Variants in CDH13 observed in about 807,000 individuals in gnomAD.
CDH13 encodes the protein cadherin-13.
CDH13 carries 24 observed loss-of-function variants against 63.8 expected under a neutral mutation model. The observed-to-expected ratio is 0.38, with a 90% confidence interval of 0.27 to 0.53. The LOEUF (loss-of-function observed/expected upper bound fraction) is 0.53, where lower values mean the gene tolerates loss of function less well. Among genes scored for constraint, CDH13 ranks in the 20% least tolerant of loss-of-function variants. CDH13 has a pLI of 0.85. For missense variants in CDH13, 1,049 were observed against 903.1 expected (o/e 1.16, Z -2.07); for synonymous variants, 503 against 355.3 (o/e 1.42, Z -4.67).
At chr16:82,753,331 T>A (rs1452587438) in intron 1 of CDH13, among the ~76,000 whole-genome samples, 1 of 152,218 alleles carries the variant, frequency 6.6e-6, no homozygotes, top group Non-Finnish European at 1.5e-5. Flanking sequence ...ATATCTGTCC[T>A]TGGCTTCATT....
chr16:83,322,746 C>G (rs184571342), intron 5 of CDH13, among the ~76,000 whole-genome samples: 1 of 151,988 alleles, frequency 6.6e-6, no homozygotes, highest in Non-Finnish European at 1.5e-5. Context: ...AAGATTCATC[C>G]GGTCTATGAC....
At chr16:82,846,206 T>G (rs990740505) in intron 1 of CDH13, among the ~76,000 whole-genome samples, 1 of 152,228 alleles carries the variant, frequency 6.6e-6, no homozygotes, top group Non-Finnish European at 1.5e-5. Flanking sequence ...GTGAAAAGTT[T>G]CAATCATCTT....
chr16:83,011,325 A>G (rs1914130736), intron 2 of CDH13, among the ~76,000 whole-genome samples: 1 of 152,166 alleles, frequency 6.6e-6, no homozygotes, highest in Non-Finnish European at 1.5e-5. Flanking sequence ...AAGTCTTAGC[A>G]CACTGTTCAG....
At chr16:83,054,404 T>G (rs1206418460) in intron 3 of CDH13, among the ~76,000 whole-genome samples, 2 of 152,220 alleles carry the variant, frequency 1.3e-5, no homozygotes, top group Non-Finnish European at 2.9e-5. Context: ...TAAAGCTTAC[T>G]TGCATACAAG....
chr16:83,359,360 A>C (rs1295213115), intron 6 of CDH13, among the ~76,000 whole-genome samples: 1 of 152,200 alleles, frequency 6.6e-6, no homozygotes, highest in African/African-American at 2.4e-5. Context: ...AGTAGATATC[A>C]GGCTTTGAGC....
chr16:82,977,708 C>A (rs757704939), intron 2 of CDH13, among the ~76,000 whole-genome samples: 3 of 152,124 alleles, frequency 2.0e-5, no homozygotes, highest in Admixed American at 2.0e-4. Context: ...ACTAATACAG[C>A]AAATTGGTTC....
At position 83,101,865 on chromosome 16, in the gene CDH13, G is replaced by C. The variant is rs546103898; in HGVS notation, c.367-23520G>C. Among the ~76,000 whole-genome samples, 22 of 152,242 alleles carry C rather than the reference G, an allele frequency of 1.4e-4. No homozygotes were observed. The South Asian group carries it at 4.6e-3, about 32-fold the overall frequency. On this transcript the variant is annotated intron_variant, in intron 3 of 13. Transcript: ENST00000567109. Reference sequence around the variant, plus strand: ...AGGTGACTTGTGAGGAAAGGTCTGAGGAAAGTGAAAGAACTGCTGTGGAAG... The same window carrying C: ...AGGTGACTTGTGAGGAAAGGTCTGACGAAAGTGAAAGAACTGCTGTGGAAG...
At chr16:82,632,184 C>G (rs912408303) in intron 1 of CDH13, among the ~76,000 whole-genome samples, 1 of 152,180 alleles carries the variant, frequency 6.6e-6, no homozygotes, top group African/African-American at 2.4e-5. Context: ...CGTCACCACT[C>G]TCTACTACCC....
intron 7 of CDH13, among the ~76,000 whole-genome samples, chr16:83,509,484 A>T (rs1415088066): frequency 6.6e-6 from 1 of 152,206 alleles, no homozygotes; most frequent in East Asian, 1.9e-4. Flanking sequence ...ATACCACATA[A>T]ATGAATGAGC....
At chr16:83,344,509 A>G (rs1161944543) in intron 5 of CDH13, among the ~76,000 whole-genome samples, 1 of 152,244 alleles carries the variant, frequency 6.6e-6, no homozygotes, top group Non-Finnish European at 1.5e-5. Flanking sequence ...TATTAGCATA[A>G]CATTCCTTTT....
At chr16:82,718,965 T>G (rs944770610) in intron 1 of CDH13, among the ~76,000 whole-genome samples, 10 of 152,204 alleles carry the variant, frequency 6.6e-5, no homozygotes, top group African/African-American at 2.4e-4. Context: ...GTTGGATGCA[T>G]GTGGTCCGTA....
chr16:83,457,747 G>T (rs571421745), intron 6 of CDH13, among the ~76,000 whole-genome samples: 10 of 152,210 alleles, frequency 6.6e-5, no homozygotes, highest in African/African-American at 2.4e-4. Flanking sequence ...GCCAGGCCGA[G>T]CCAAGCCAAT....
chr16:83,424,701 GCT>G (rs1167585408), intron 6 of CDH13, among the ~76,000 whole-genome samples: 3 of 152,258 alleles, frequency 2.0e-5, no homozygotes, highest in South Asian at 2.1e-4. Flanking sequence ...CTAGACAAAT[GCT>G]CTTGGAACAT....
chr16:82,886,145 C>T (rs941820761), intron 2 of CDH13, among the ~76,000 whole-genome samples: 1 of 152,122 alleles, frequency 6.6e-6, no homozygotes, highest in Admixed American at 6.5e-5. Flanking sequence ...GAAAAATATT[C>T]TGTAGTACAA....
intron 8 of CDH13, among the ~76,000 whole-genome samples, chr16:83,645,269 A>C (rs1009877755): frequency 6.6e-6 from 1 of 152,206 alleles, no homozygotes; most frequent in Admixed American, 6.5e-5. Flanking sequence ...GCTGGAGGCT[A>C]TTATCCTATG....
chr16:83,620,644 C>G (rs1040118772), intron 8 of CDH13, among the ~76,000 whole-genome samples: 1 of 152,148 alleles, frequency 6.6e-6, no homozygotes, highest in Non-Finnish European at 1.5e-5. Context: ...CACATGCTCT[C>G]TCTCACCTAA....
chr16:83,657,462 C>T (rs1198797884), intron 8 of CDH13, among the ~76,000 whole-genome samples: 2 of 152,156 alleles, frequency 1.3e-5, no homozygotes, highest in Non-Finnish European at 2.9e-5. Context: ...CTCTTTGACC[C>T]CCAGAGCAGC....
chr16:83,217,698 C>T (rs138893449), intron 5 of CDH13, among the ~76,000 whole-genome samples: 31 of 152,218 alleles, frequency 2.0e-4, no homozygotes, highest in East Asian at 1.7e-3. Flanking sequence ...TCAGTAGAGC[C>T]CTCCAGGCCT....
Position 83,169,185 on chromosome 16 carries a change from C to CT in CDH13, c.483+43694dup, listed in dbSNP as rs148647688. On this transcript the variant is annotated intron_variant, in intron 4 of 13. Transcript: ENST00000567109. ...TGCCGGCATTCAGTGCTTAGGTTTC[C>CT]TTTTTTTTTTGAGACGGCATCTCAC... Among the ~76,000 whole-genome samples the CT allele has an allele frequency of 3.5e-3, 524 of 148,688 alleles. 4 individuals are homozygous for CT. Among genetic ancestry groups the CT allele is most frequent in the Non-Finnish European group, 5.1e-3 (342 of 67,040 alleles).
Sources: allele counts gnomAD v4.1 joint callset (sites outside exome capture counted in the v4.1 genomes callset), GRCh38; gene constraint gnomAD v4.1.1; transcripts MANE v1.5; gene names NCBI Gene and HGNC (gene_info 2026-07-23, HGNC 2026-07-21).